Variants in SLC8A1 observed in about 807,000 individuals in gnomAD.
The protein encoded by SLC8A1 is sodium/calcium exchanger 1.
In SLC8A1, 18 loss-of-function variants were observed where a neutral mutation model predicts 68.3. The ratio of observed to expected loss-of-function variants is 0.26; its 90% CI spans 0.18 to 0.39. The LOEUF is 0.39. Among genes scored for constraint, SLC8A1 ranks in the 10% least tolerant of loss-of-function variants. SLC8A1 has a pLI of 1.00. For synonymous variants in SLC8A1, 475 were observed against 415.5 expected (o/e 1.14, Z -1.74); for missense variants, 985 against 1,156.7 (o/e 0.85, Z 2.15).
chr2:40,132,175 A>AAG (rs2039513754), intron 7 of SLC8A1, among the ~76,000 whole-genome samples: 1 of 152,132 alleles, frequency 6.6e-6, no homozygotes. Context: ...GCATATGGAA[A>AAG]AGAGCATATG....
intron 6 of SLC8A1, among the ~76,000 whole-genome samples, chr2:40,158,321 C>T (rs1013984730): frequency 1.3e-5 from 2 of 152,154 alleles, no homozygotes; most frequent in Admixed American, 1.3e-4. Flanking sequence ...AAGACAAATA[C>T]TCAACTTTTG....
intron 2 of SLC8A1, among the ~76,000 whole-genome samples, chr2:40,344,329 A>G (rs1303189438): frequency 6.6e-6 from 1 of 152,162 alleles, no homozygotes; most frequent in African/African-American, 2.4e-5. Context: ...GGTGTCAAGC[A>G]CTGGGTCTAT....
intron 2 of SLC8A1, among the ~76,000 whole-genome samples, chr2:40,265,228 C>T (rs1475045446): frequency 6.6e-6 from 1 of 152,102 alleles, no homozygotes; most frequent in African/African-American, 2.4e-5. Flanking sequence ...TAGGTCACTG[C>T]AATGTTTACA....
chr2:40,303,269 A>G lies in SLC8A1; in HGVS notation c.1808+125204T>C, dbSNP rs554647691. On this transcript the variant is annotated intron_variant, in intron 2 of 7. Coordinates refer to ENST00000406785, the Ensembl canonical transcript of SLC8A1. Reference sequence around the variant, plus strand: ...CTGTAGCAGGAAAGAAGCTTTCCCAAAGAGGAGGAGATTTTACTTCAAGAG... The same window carrying G: ...CTGTAGCAGGAAAGAAGCTTTCCCAGAGAGGAGGAGATTTTACTTCAAGAG... Among the ~76,000 whole-genome samples the G allele has an allele frequency of 7.9e-5, 12 of 152,268 alleles. No individual in the cohort carries two copies. The South Asian group carries it at 2.3e-3, about 29-fold the overall frequency.
At chr2:40,213,780 A>G (rs1308094660) in intron 2 of SLC8A1, among the ~76,000 whole-genome samples, 1 of 152,164 alleles carries the variant, frequency 6.6e-6, no homozygotes, top group African/African-American at 2.4e-5. Context: ...CAATTCTCTC[A>G]CACTGCCAAG....
chr2:40,099,998 G>C (rs997848695), exon 8 of SLC8A1: 3 of 152,010 alleles, frequency 2.0e-5, no homozygotes, highest in Non-Finnish European at 4.4e-5. Context: ...GCTTCCTACT[G>C]TCTGTAAAAA....
At chr2:40,247,475 T>C (rs2062041073) in intron 2 of SLC8A1, among the ~76,000 whole-genome samples, 1 of 152,138 alleles carries the variant, frequency 6.6e-6, no homozygotes, top group Non-Finnish European at 1.5e-5. Context: ...GAGACAGATC[T>C]GAGGCATGGG....
intron 7 of SLC8A1, among the ~76,000 whole-genome samples, chr2:40,135,751 C>T (rs2040388903): frequency 6.6e-6 from 1 of 151,982 alleles, no homozygotes; most frequent in Non-Finnish European, 1.5e-5. Context: ...AAATAAAGAT[C>T]TGTAGGACCT....
At chr2:40,286,722 A>C (rs60759204) in intron 2 of SLC8A1, among the ~76,000 whole-genome samples, 1,689 of 152,290 alleles carry the variant, frequency 0.011, 48 homozygotes, top group African/African-American at 0.038. Context: ...CTTCACAACC[A>C]TTCTGAAAGT....
chr2:40,328,994 C>T (rs1249211339), intron 2 of SLC8A1, among the ~76,000 whole-genome samples: 2 of 151,510 alleles, frequency 1.3e-5, no homozygotes, highest in East Asian at 1.9e-4. Context: ...ATTAATGTAT[C>T]CCTCCTGGTC....
chr2:40,191,451 G>C (rs1298274224), intron 2 of SLC8A1, among the ~76,000 whole-genome samples: 1 of 152,148 alleles, frequency 6.6e-6, no homozygotes, highest in Admixed American at 6.6e-5. Context: ...ACTGGTACTT[G>C]CAATTTAAAG....
chr2:40,206,635 T>G (rs1392639921), intron 2 of SLC8A1, among the ~76,000 whole-genome samples: 1 of 152,042 alleles, frequency 6.6e-6, no homozygotes, highest in Non-Finnish European at 1.5e-5. Context: ...CTTCCTTTGC[T>G]TATCTTAAAA....
chr2:40,105,431 G>C (rs146795994), exon 8 of SLC8A1: 2 of 152,196 alleles, frequency 1.3e-5, no homozygotes, highest in East Asian at 3.8e-4. Context: ...ATGTTGAGTC[G>C]TGGAGGCTTC....
At chr2:40,212,301 T>TTTTTTTTTTTC (rs1553417570) in intron 2 of SLC8A1, among the ~76,000 whole-genome samples, 1 of 150,322 alleles carries the variant, frequency 6.7e-6, no homozygotes, top group African/African-American at 2.5e-5. Flanking sequence ...TTTTTTTTTT[T>TTTTTTTTTTTC]CCTGAGACAA....
rs374480526 is a variant in SLC8A1, at chr2:40,429,395, C to A, written c.886G>T (p.Val296Phe). The A allele has an allele frequency of 2.5e-6, 4 of 1,613,874 alleles. No individual in the cohort carries two copies. In the South Asian group the frequency reaches 4.4e-5, roughly 18 times the overall value. The change falls in exon 2 of 8, where the codon GTC (valine) becomes TTC (phenylalanine). Residue 296 changes from valine to phenylalanine, a missense_variant. By Grantham distance (50) the Val-to-Phe change is conservative. Transcript: ENST00000406785. ...AAGAAATTTTCAACATGAGAATTGA[C>A]CACTTTCCCGTCCATTTCAATTTCA... is the stretch of plus-strand genomic sequence containing the variant.
At chr2:40,210,682 T>G (rs2056418003) in intron 2 of SLC8A1, among the ~76,000 whole-genome samples, 1 of 152,196 alleles carries the variant, frequency 6.6e-6, no homozygotes, top group African/African-American at 2.4e-5. Context: ...AGAAATTCAG[T>G]ATTATCTAAT....
chr2:40,507,804 G>C (rs1706463248), intron 1 of SLC8A1, among the ~76,000 whole-genome samples: 1 of 152,068 alleles, frequency 6.6e-6, no homozygotes, highest in Non-Finnish European at 1.5e-5. Flanking sequence ...TTGGAAAATA[G>C]TAAAACCTTC....
At chr2:40,298,798 A>G (rs2070900455) in intron 2 of SLC8A1, among the ~76,000 whole-genome samples, 1 of 151,890 alleles carries the variant, frequency 6.6e-6, no homozygotes, top group African/African-American at 2.4e-5. Flanking sequence ...GTAACTAATG[A>G]TGGTGAAATA....
chr2:40,310,932 G>A (rs2073556838), intron 2 of SLC8A1, among the ~76,000 whole-genome samples: 1 of 152,094 alleles, frequency 6.6e-6, no homozygotes, highest in South Asian at 2.1e-4. Flanking sequence ...AAAGTTTGAT[G>A]TTCTTTGACC....
Sources: gnomAD v4.1 joint callset for allele counts (sites outside exome capture counted in the v4.1 genomes callset) on GRCh38, gnomAD v4.1.1 for gene constraint, MANE v1.5 for transcripts, NCBI Gene and HGNC (gene_info 2026-07-23, HGNC 2026-07-21) for gene names.